Variants in LANCL3 observed in about 807,000 individuals in gnomAD.
LANCL3 encodes LanC like family member 3.
In LANCL3, 19 loss-of-function variants were observed where a neutral mutation model predicts 26.5. The ratio of observed to expected loss-of-function variants is 0.72; its 90% CI spans 0.50 to 1.05. The LOEUF (loss-of-function observed/expected upper bound fraction) is 1.05. Among genes scored for constraint, LANCL3 ranks in the 50% least tolerant of loss-of-function variants. The pLI is 0.00. For synonymous variants in LANCL3, 160 were observed against 166.6 expected, an observed-to-expected ratio of 0.96 and a Z score of 0.30; for missense variants, 318 against 362.7, an observed-to-expected ratio of 0.88 and a Z score of 1.00.
intron 1 of LANCL3, among the ~76,000 whole-genome samples, chrX:37,633,502 G>C (rs1308184984): frequency 9.0e-6 from 1 of 111,369 alleles, no homozygotes; most frequent in African/African-American, 3.3e-5. Context: ...GAGGAGAGGC[G>C]CTCTGCTTTT....
intron 4 of LANCL3, among the ~76,000 whole-genome samples, chrX:37,674,627 A>T (rs781923675): frequency 8.9e-6 from 1 of 111,913 alleles, no homozygotes; most frequent in Non-Finnish European, 1.9e-5. Flanking sequence ...TTTAAATTCC[A>T]TTTTAAAATT....
intron 1 of LANCL3, among the ~76,000 whole-genome samples, chrX:37,604,243 C>A (rs1556420330): frequency 8.9e-6 from 1 of 112,523 alleles, no homozygotes; most frequent in Non-Finnish European, 1.9e-5. Context: ...TGAAGCTAAG[C>A]ACCCCATCTT....
At chrX:37,573,936 C>T (rs782063959) in intron 1 of LANCL3, among the ~76,000 whole-genome samples, 7 of 106,645 alleles carry the variant, frequency 6.6e-5, no homozygotes, top group African/African-American at 2.4e-4. Flanking sequence ...CCACACAAGA[C>T]ATCTATTAAG....
chrX:37,617,389 C>T (rs1216767213), intron 1 of LANCL3, among the ~76,000 whole-genome samples: 7 of 111,575 alleles, frequency 6.3e-5, no homozygotes, highest in Non-Finnish European at 1.3e-4. Flanking sequence ...CCTTAGACCT[C>T]TTGCTTTCTG....
In LANCL3 at chrX:37,572,019, AGGCCCGAGGGGCGACGGCGGG is replaced by A. The variant is rs1923592863; in HGVS notation, c.153_173del (p.Arg52_Ala58del). ...CTTCCCCCACTCGGGGGCGGCGCGG[AGGCCCGAGGGGCGACGGCGGG>A]GGCTAGCGCCTGCCAGGGGGGGCTT... On this transcript the variant is annotated inframe_deletion, in exon 1 of 5. Coordinates refer to ENST00000378619, the MANE Select transcript of LANCL3 (RefSeq NM_001170331.2). 2.2e-5 allele frequency: 26 copies of A among 1,186,067 alleles called. No homozygotes were observed. Among genetic ancestry groups the A allele is most frequent in the Non-Finnish European group, 2.9e-5 (26 of 883,111 alleles).
At chrX:37,645,164 G>A (rs1310358518) in intron 1 of LANCL3, among the ~76,000 whole-genome samples, 2 of 112,449 alleles carry the variant, frequency 1.8e-5, no homozygotes, top group Non-Finnish European at 3.8e-5. Context: ...CTGTAAGAAT[G>A]GGGTAAAACC....
At chrX:37,655,974 A>G (rs967264066) in intron 2 of LANCL3, among the ~76,000 whole-genome samples, 163 bp downstream of exon 2, 6 of 112,293 alleles carry the variant, frequency 5.3e-5, no homozygotes, top group Non-Finnish European at 1.1e-4. Context: ...CATAACACAA[A>G]TCACAAGTTA....
chrX:37,600,997 A>G (rs1924560941), intron 1 of LANCL3, among the ~76,000 whole-genome samples: 1 of 111,975 alleles, frequency 8.9e-6, no homozygotes, highest in South Asian at 3.7e-4. Context: ...TTCGTGTTGG[A>G]AACCACTCCT....
At chrX:37,663,754 G>T (rs192020743) in intron 3 of LANCL3, among the ~76,000 whole-genome samples, 1 of 110,953 alleles carries the variant, frequency 9.0e-6, no homozygotes. Context: ...GCAAGAGCAG[G>T]GTCTTCCCAC....
Position 37,645,073 on chromosome X carries a change from G to A in LANCL3, c.574-10615G>A, listed in dbSNP as rs72619418. On this transcript the variant is annotated intron_variant, in intron 1 of 4. Transcript: ENST00000378619. ...GAGACATTTAGTGTCTTAGAAGAAAGAGAATAAAATCATCTAGTGACAGTT... is the reference window on the plus strand; with the variant it reads ...GAGACATTTAGTGTCTTAGAAGAAAAAGAATAAAATCATCTAGTGACAGTT... Among the ~76,000 whole-genome samples, 286 of 112,756 alleles carry A rather than the reference G, an allele frequency of 2.5e-3. 2 individuals carry two copies. The highest frequency in any genetic ancestry group is 0.02 in the Admixed American group (215 of 10,646).
At chrX:37,625,449 A>C in intron 1 of LANCL3, among the ~76,000 whole-genome samples, 1 of 111,060 alleles carries the variant, frequency 9.0e-6, no homozygotes, top group Non-Finnish European at 1.9e-5. Flanking sequence ...TGCCAAGTTG[A>C]AGGGACCTCC....
At chrX:37,629,993 A>G (rs1185239238) in intron 1 of LANCL3, among the ~76,000 whole-genome samples, 2 of 110,598 alleles carry the variant, frequency 1.8e-5, no homozygotes, top group African/African-American at 6.6e-5. Context: ...GAAGAAAGTC[A>G]TTGGTAGCTT....
At chrX:37,631,093 C>G (rs782195789) in intron 1 of LANCL3, among the ~76,000 whole-genome samples, 2 of 111,516 alleles carry the variant, frequency 1.8e-5, no homozygotes, top group East Asian at 2.8e-4. Flanking sequence ...GACTCTTTTT[C>G]GTTGGTAAGC....
Position 37,676,192 on chromosome X carries a change from G to A in LANCL3, c.*379G>A, listed in dbSNP as rs1380963190. 8.5e-6 allele frequency: 1 copy of A among 117,336 alleles called. No homozygotes were observed. The highest frequency in any genetic ancestry group is 3.2e-5 in the African/African-American group (1 of 31,025). 9.7% of individuals were successfully genotyped at this position (117,336 alleles called of 1,213,427 possible). On this transcript the variant is annotated 3_prime_UTR_variant, in exon 5 of 5. Transcript: ENST00000378619. ...AATGAGAATTTGACCATTTGTGTGT[G>A]CCCTCTACCCTTAAATTCAGAAATA...
Position 37,648,599 on chromosome X carries a change from A to G in LANCL3, c.574-7089A>G, listed in dbSNP as rs781891975. ...CCAAAAGCAATTGCAACAAAAGCCA[A>G]AATTGACAAATGGGATCTAATTAAA... On this transcript the variant is annotated intron_variant, in intron 1 of 4. Coordinates refer to ENST00000378619, the MANE Select transcript of LANCL3 (RefSeq NM_001170331.2). Among the ~76,000 whole-genome samples the G allele has an allele frequency of 8.0e-5, 9 of 112,487 alleles. No individual in the cohort carries two copies. The East Asian group carries it at 2.5e-3, about 31-fold the overall frequency.
chrX:37,581,494 C>T (rs1408353606), intron 1 of LANCL3, among the ~76,000 whole-genome samples: 4 of 111,972 alleles, frequency 3.6e-5, no homozygotes, highest in South Asian at 3.7e-4. Flanking sequence ...ATTCAAGAGA[C>T]ACCTTATTAC....
intron 3 of LANCL3, among the ~76,000 whole-genome samples, chrX:37,663,069 T>G (rs1266118007): frequency 8.9e-6 from 1 of 111,820 alleles, no homozygotes; most frequent in East Asian, 2.8e-4. Flanking sequence ...ACATCTCTCA[T>G]CTATACCCCA....
chrX:37,629,473 T>C (rs1328401114), intron 1 of LANCL3, among the ~76,000 whole-genome samples: 35 of 109,052 alleles, frequency 3.2e-4, no homozygotes, highest in Non-Finnish European at 6.1e-4. Context: ...TTTGTCAATT[T>C]TGGCTTTTGT....
chrX:37,591,050 A>T (rs1569462410), intron 1 of LANCL3, among the ~76,000 whole-genome samples: 1 of 112,044 alleles, frequency 8.9e-6, no homozygotes, highest in East Asian at 2.8e-4. Context: ...CCACTGGAAA[A>T]TAAATCAAAA....
Sources: allele counts gnomAD v4.1 joint callset (sites outside exome capture counted in the v4.1 genomes callset), GRCh38; gene constraint gnomAD v4.1.1; transcripts MANE v1.5; gene names NCBI Gene and HGNC (gene_info 2026-07-23, HGNC 2026-07-21).